GHRH: variants seen among roughly 807,000 people sequenced by gnomAD.
The protein encoded by GHRH is growth hormone releasing hormone.
Under a neutral mutation model 15.6 loss-of-function variants are expected in GHRH, and 7 were observed. The ratio of observed to expected loss-of-function variants is 0.45; its 90% confidence interval spans 0.26 to 0.84. The LOEUF is 0.84. Among genes scored for constraint, GHRH ranks in the 40% least tolerant of loss-of-function variants. The pLI is 0.18. For missense variants in GHRH, 117 were observed against 138.0 expected, an observed-to-expected ratio of 0.85 and a Z score of 0.76; for synonymous variants, 54 against 50.4, an observed-to-expected ratio of 1.07 and a Z score of -0.30.
intron 4 of GHRH, 23 bp downstream of exon 4, chr20:37,254,187 C>T: frequency 6.2e-7 from 1 of 1,613,552 alleles, no homozygotes; most frequent in African/African-American, 1.3e-5. Flanking sequence ...TCCCTAGATG[C>T]ACCCATGCAC....
At chr20:37,253,009 G>A (rs1346630729) in intron 4 of GHRH, among the ~76,000 whole-genome samples, 1 of 152,232 alleles carries the variant, frequency 6.6e-6, no homozygotes, top group Non-Finnish European at 1.5e-5. Context: ...TCTAGCCTGG[G>A]TGATGAGAGT....
In GHRH at chr20:37,256,493, C is replaced by G. The variant is rs778720800; in HGVS notation, c.89G>C (p.Arg30Pro). 1.2e-6 allele frequency: 2 copies of G among 1,609,722 alleles called. No homozygotes were observed. Among genetic ancestry groups the G allele is most frequent in the South Asian group, 2.2e-5 (2 of 90,840 alleles). ...SPPPPLTLRM[R>P]RYADAIFTNS... ...GGTGAAGATGGCATCTGCATACCGC[C>G]GCATCCTGTGCGGAAGGAGTCAGGG... The change falls in exon 3 of 5, where the codon CGG becomes CCG. Residue 30 changes from arginine to proline, a missense_variant. Physicochemically the swap from Arg to Pro is moderately radical, Grantham distance 103. Coordinates refer to ENST00000373614, the MANE Select transcript of GHRH (RefSeq NM_021081.6).
In GHRH at chr20:37,251,087, T is replaced by A. The variant is rs920362725; in HGVS notation, c.*126A>T. Reference sequence around the variant, plus strand: ...AATTAGGCTGAAGAGAAAAGAACATTTAAATGCACACCGGTATGGGGGAAT... The same window carrying A: ...AATTAGGCTGAAGAGAAAAGAACATATAAATGCACACCGGTATGGGGGAAT... On this transcript the variant is annotated 3_prime_UTR_variant, in exon 5 of 5. Coordinates refer to ENST00000373614, the MANE Select transcript of GHRH (RefSeq NM_021081.6). 3 of 598,828 alleles carry A rather than the reference T, an allele frequency of 5.0e-6. No individual in the cohort carries two copies. The highest frequency in any genetic ancestry group is 5.8e-6 in the Non-Finnish European group (2 of 344,928). The allele number at this position is 598,828 out of a possible 1,614,324, so 37.1% of individuals were successfully genotyped here.
At chr20:37,254,809 C>A (rs2068645977) in intron 3 of GHRH, among the ~76,000 whole-genome samples, 1 of 152,144 alleles carries the variant, frequency 6.6e-6, no homozygotes, top group Non-Finnish European at 1.5e-5. Context: ...AATCATTAGC[C>A]TTTACTAATC....
rs1489427786 is a variant in GHRH, at chr20:37,251,232, C to T, written c.309-1G>A. 2 of 1,602,100 alleles carry T rather than the reference C, an allele frequency of 1.2e-6. No homozygotes were observed. The highest frequency in any genetic ancestry group is 2.3e-5 in the East Asian group (1 of 43,718). On this transcript the variant is annotated splice_acceptor_variant, in intron 4 of 4. Coordinates refer to ENST00000373614, the MANE Select transcript of GHRH (RefSeq NM_021081.6). LOFTEE classifies it high-confidence loss of function. ...GAATCTTCATCCCTGGGAGTTCCTG[C>T]TGCAGAAAGAAAGATCAAGCTCAAT...
chr20:37,254,819 C>G (rs1231112045), intron 3 of GHRH, among the ~76,000 whole-genome samples: 1 of 152,108 alleles, frequency 6.6e-6, no homozygotes. Context: ...CTTTACTAAT[C>G]AAAACTGTCA....
At chr20:37,253,815 A>G (rs2068637475) in intron 4 of GHRH, among the ~76,000 whole-genome samples, 1 of 152,054 alleles carries the variant, frequency 6.6e-6, no homozygotes, top group Non-Finnish European at 1.5e-5. Flanking sequence ...TAATGGTGCG[A>G]TCTCAGCTCA....
intron 4 of GHRH, among the ~76,000 whole-genome samples, chr20:37,252,734 C>T (rs1422307229): frequency 6.6e-6 from 1 of 151,656 alleles, no homozygotes; most frequent in Non-Finnish European, 1.5e-5. Context: ...GAAACCCCAT[C>T]TCTACTAAAA....
At chr20:37,257,234 C>G (rs6094201) in intron 1 of GHRH, among the ~76,000 whole-genome samples, 12,772 of 152,072 alleles carry the variant, frequency 0.084, 1,262 homozygotes, top group African/African-American at 0.24. Flanking sequence ...AGGATTTGGG[C>G]TCAGGCACAG....
In GHRH at chr20:37,258,014, C is replaced by T. The variant is rs549052926; in HGVS notation, c.-19-1106G>A. ...TTAGTCCTGGAAGAGACTGAAGAGCCGGGGGATCCAGTGTGGCGCAGTCAT... is the reference window on the plus strand; with the variant it reads ...TTAGTCCTGGAAGAGACTGAAGAGCTGGGGGATCCAGTGTGGCGCAGTCAT... On this transcript the variant is annotated intron_variant, in intron 1 of 4. Transcript: ENST00000373614. The surrounding 1 kb of genome is among the most constrained non-coding windows in gnomAD (Gnocchi z 4.1). 4.6e-5 allele frequency among the ~76,000 whole-genome samples: 7 copies of T among 152,260 alleles called. No individual in the cohort carries two copies. The East Asian group carries it at 9.7e-4, about 21-fold the overall frequency.
In GHRH at chr20:37,251,093, GC is replaced by G; in HGVS notation, c.*119del. The G allele has an allele frequency of 1.6e-6, 1 of 608,278 alleles. No homozygotes were observed. Among genetic ancestry groups the G allele is most frequent in the Non-Finnish European group, 2.8e-6 (1 of 352,390 alleles). 37.7% of individuals were successfully genotyped at this position (608,278 alleles called of 1,614,324 possible). On this transcript the variant is annotated 3_prime_UTR_variant, in exon 5 of 5. Transcript: ENST00000373614. Reference sequence around the variant, plus strand: ...GCTGAAGAGAAAAGAACATTTAAATGCACACCGGTATGGGGGAATTTTATTG... The same window carrying G: ...GCTGAAGAGAAAAGAACATTTAAATGACACCGGTATGGGGGAATTTTATTG...
At chr20:37,260,410 A>AC (rs397777357) in intron 1 of GHRH, among the ~76,000 whole-genome samples, 1 of 150,684 alleles carries the variant, frequency 6.6e-6, no homozygotes, top group Non-Finnish European at 1.5e-5. Context: ...AAAAAAAAAA[A>AC]CACACAAAAC....
At chr20:37,251,347 CAA>C in intron 4 of GHRH, 116 bp from the exon 5 acceptor site, 1 of 766,692 alleles carries the variant, frequency 1.3e-6, no homozygotes, top group Non-Finnish European at 2.1e-6. Flanking sequence ...TTTTGGATTC[CAA>C]AAGAGGCAGT....
chr20:37,253,743 C>A lies in GHRH; in HGVS notation c.308+467G>T, dbSNP rs559387162. Among the ~76,000 whole-genome samples the A allele has an allele frequency of 7.0e-4, 107 of 152,126 alleles. 1 individual carries two copies. Among genetic ancestry groups the A allele is most frequent in the African/African-American group, 2.5e-3 (102 of 41,506 alleles). Reference sequence around the variant, plus strand: ...CATGAGCCACTGCACCTGGGCACTCCCCTAGTTCTTCTTCTTTTTTTATTT... The same window carrying A: ...CATGAGCCACTGCACCTGGGCACTCACCTAGTTCTTCTTCTTTTTTTATTT... On this transcript the variant is annotated intron_variant, in intron 4 of 4. Transcript: ENST00000373614.
At chr20:37,257,513 C>CA (rs35910164) in intron 1 of GHRH, among the ~76,000 whole-genome samples, 3,510 of 103,554 alleles carry the variant, frequency 0.034, 48 homozygotes, top group Admixed American at 0.056. Flanking sequence ...GACCCTGTCT[C>CA]AAAAAAAAAA....
intron 3 of GHRH, 47 bp downstream of exon 3, chr20:37,256,347 G>A: frequency 1.6e-6 from 2 of 1,246,678 alleles, no homozygotes; most frequent in Non-Finnish European, 2.3e-6. Flanking sequence ...AGCTCCTGCA[G>A]ACTCTGCTGC....
At chr20:37,256,531 G>C in intron 2 of GHRH, 33 bp from the exon 3 acceptor site, 1 of 1,396,628 alleles carries the variant, frequency 7.2e-7, no homozygotes, top group Non-Finnish European at 1.0e-6. Flanking sequence ...CAGAGGGCGG[G>C]GTGGAGGCCA....
chr20:37,257,899 G>A (rs947765961), intron 1 of GHRH, among the ~76,000 whole-genome samples: 2 of 152,224 alleles, frequency 1.3e-5, no homozygotes, highest in African/African-American at 4.8e-5. Context: ...CAGAGGGCAG[G>A]CTCTTCCTGT....
At chr20:37,259,319 A>C (rs2068675771) in intron 1 of GHRH, among the ~76,000 whole-genome samples, 1 of 152,028 alleles carries the variant, frequency 6.6e-6, no homozygotes, top group African/African-American at 2.4e-5. Flanking sequence ...CGTCCTCCTC[A>C]TCGCACCATA....
Sources: gnomAD v4.1 joint callset for allele counts (sites outside exome capture counted in the v4.1 genomes callset) on GRCh38, gnomAD v4.1.1 for gene constraint, Gnocchi (gnomAD v3.1) non-coding constraint, MANE v1.5 for transcripts, NCBI Gene and HGNC (gene_info 2026-07-23, HGNC 2026-07-21) for gene names.